Variants in LDB2 observed in about 807,000 individuals in gnomAD.
LDB2 encodes the protein LIM domain binding 2.
A neutral mutation model predicts 44.3 loss-of-function variants in LDB2; 12 were observed. That is an observed-to-expected ratio of 0.27 (90% CI 0.17 to 0.44). The LOEUF (loss-of-function observed/expected upper bound fraction) is 0.44, where lower values mean the gene tolerates loss of function less well. Among genes scored for constraint, LDB2 ranks in the 20% least tolerant of loss-of-function variants. The pLI is 1.00. For missense variants in LDB2, 344 were observed against 473.5 expected (o/e 0.73, Z 2.54); for synonymous variants, 164 against 174.8 (o/e 0.94, Z 0.49).
chr4:16,605,723 G>A (rs1413282419), intron 2 of LDB2, among the ~76,000 whole-genome samples: 1 of 152,178 alleles, frequency 6.6e-6, no homozygotes, highest in Non-Finnish European at 1.5e-5. Flanking sequence ...ATCATTCTGT[G>A]TGTAGCTGGT....
At chr4:16,795,384 C>A (rs1776545486) in intron 1 of LDB2, among the ~76,000 whole-genome samples, 2 of 152,166 alleles carry the variant, frequency 1.3e-5, no homozygotes, top group Non-Finnish European at 2.9e-5. Context: ...CTGCCAGGAA[C>A]GTGCAAGTGC....
chr4:16,635,618 T>C (rs753718218), intron 2 of LDB2, among the ~76,000 whole-genome samples: 3 of 152,076 alleles, frequency 2.0e-5, no homozygotes, highest in Non-Finnish European at 4.4e-5. Flanking sequence ...GTTTTGTCTA[T>C]AGCAAACCAT....
intron 5 of LDB2, among the ~76,000 whole-genome samples, chr4:16,569,747 A>G (rs75479957): frequency 0.016 from 2,470 of 152,226 alleles, 47 homozygotes; most frequent in South Asian, 0.064. Context: ...ATTATTTTAT[A>G]TGTGGTAGTT....
intron 5 of LDB2, among the ~76,000 whole-genome samples, chr4:16,583,553 C>T (rs1040457794): frequency 2.0e-5 from 3 of 152,128 alleles, no homozygotes; most frequent in African/African-American, 4.8e-5. Context: ...GTGACTGCTC[C>T]GCTGTCTTAA....
intron 2 of LDB2, among the ~76,000 whole-genome samples, chr4:16,604,589 G>A (rs181137185): frequency 9.7e-4 from 147 of 151,102 alleles, no homozygotes; most frequent in African/African-American, 2.7e-3. Context: ...GGGAAGTAGC[G>A]AGCATTCTTT....
At chr4:16,734,778 G>T (rs1226263652) in intron 2 of LDB2, among the ~76,000 whole-genome samples, 1 of 146,828 alleles carries the variant, frequency 6.8e-6, no homozygotes, top group Admixed American at 7.0e-5. Flanking sequence ...GCACAATCTC[G>T]GCTCACTGCA....
At chr4:16,658,609 G>A (rs1351440793) in intron 2 of LDB2, among the ~76,000 whole-genome samples, 1 of 151,554 alleles carries the variant, frequency 6.6e-6, no homozygotes, top group Non-Finnish European at 1.5e-5. Flanking sequence ...TTTAAACATT[G>A]GCAATTAATT....
intron 2 of LDB2, among the ~76,000 whole-genome samples, chr4:16,656,157 C>T (rs1009557209): frequency 7.2e-5 from 11 of 152,174 alleles, no homozygotes; most frequent in African/African-American, 2.7e-4. Flanking sequence ...GCCTCGGCCT[C>T]CCAAAGTGCT....
chr4:16,617,294 A>G (rs994319610), intron 2 of LDB2, among the ~76,000 whole-genome samples: 1 of 151,150 alleles, frequency 6.6e-6, no homozygotes, highest in Non-Finnish European at 1.5e-5. Context: ...AATACTGAAA[A>G]CCCTCCCCGG....
chr4:16,834,495 C>T (rs974305258), intron 1 of LDB2, among the ~76,000 whole-genome samples: 1 of 152,060 alleles, frequency 6.6e-6, no homozygotes, highest in Non-Finnish European at 1.5e-5. Context: ...TAGTCTTCAC[C>T]CCTACGAGCA....
intron 2 of LDB2, among the ~76,000 whole-genome samples, chr4:16,599,900 T>C (rs527503868): frequency 1.3e-5 from 2 of 152,342 alleles, no homozygotes; most frequent in East Asian, 3.9e-4. Flanking sequence ...TTTTTGTCCC[T>C]GTCTTTCAAA....
At chr4:16,751,426 G>A (rs566628807) in intron 2 of LDB2, among the ~76,000 whole-genome samples, 1 of 152,248 alleles carries the variant, frequency 6.6e-6, no homozygotes, top group South Asian at 2.1e-4. Flanking sequence ...TTAGAGAATG[G>A]AATGTCTGTT....
At chr4:16,523,941 A>G (rs1727253933) in intron 5 of LDB2, among the ~76,000 whole-genome samples, 1 of 152,250 alleles carries the variant, frequency 6.6e-6, no homozygotes, top group African/African-American at 2.4e-5. Flanking sequence ...GTTGACAATT[A>G]AAATTAACTA....
intron 1 of LDB2, among the ~76,000 whole-genome samples, chr4:16,883,727 G>A (rs1435715560): frequency 6.6e-6 from 1 of 152,176 alleles, no homozygotes; most frequent in East Asian, 1.9e-4. Flanking sequence ...CTGACGGCCA[G>A]CACATCTCTT....
chr4:16,837,614 C>T (rs1436217971), intron 1 of LDB2, among the ~76,000 whole-genome samples: 1 of 152,332 alleles, frequency 6.6e-6, no homozygotes, highest in East Asian at 1.9e-4. Flanking sequence ...GCTAACCTGT[C>T]AGAGACACAT....
At chr4:16,848,948 T>C (rs774657733) in intron 1 of LDB2, among the ~76,000 whole-genome samples, 1 of 152,216 alleles carries the variant, frequency 6.6e-6, no homozygotes, top group East Asian at 1.9e-4. Context: ...TACTGATATA[T>C]CTGATTAAAG....
At chr4:16,715,555 A>G (rs1017770706) in intron 2 of LDB2, among the ~76,000 whole-genome samples, 2 of 152,230 alleles carry the variant, frequency 1.3e-5, no homozygotes, top group African/African-American at 2.4e-5. Context: ...AGGATCAGAG[A>G]TATGAAACAA....
chr4:16,521,790 T>C (rs1011641921), intron 5 of LDB2, among the ~76,000 whole-genome samples: 1 of 152,244 alleles, frequency 6.6e-6, no homozygotes, highest in African/African-American at 2.4e-5. Flanking sequence ...CCAACATCTT[T>C]ATAAGCATAT....
chr4:16,559,096 G>A (rs1740994853), intron 5 of LDB2, among the ~76,000 whole-genome samples: 1 of 152,172 alleles, frequency 6.6e-6, no homozygotes, highest in African/African-American at 2.4e-5. Context: ...ACCGGTACCA[G>A]CCACTGCAAA....
Sources: allele counts gnomAD v4.1 joint callset (sites outside exome capture counted in the v4.1 genomes callset), GRCh38; gene constraint gnomAD v4.1.1; transcripts MANE v1.5; gene names NCBI Gene and HGNC (gene_info 2026-07-23, HGNC 2026-07-21).